The following SAMTOR variants were observed in gnomAD, a reference collection of about 807,000 sequenced individuals.
The protein encoded by SAMTOR is UPF0532 protein C7orf60.
At chr7:112,837,359 T>C in the SAMTOR span, among the ~76,000 whole-genome samples, 4 of 152,064 alleles carry the variant, frequency 2.6e-5, no homozygotes, top group Non-Finnish European at 5.9e-5. Context: ...GTTTTCTAGA[T>C]ATAGAATCAT....
At chr7:112,862,914 G>A in the SAMTOR span, among the ~76,000 whole-genome samples, 4 of 146,022 alleles carry the variant, frequency 2.7e-5, no homozygotes, top group Non-Finnish European at 4.5e-5. Context: ...GGGCGACAGC[G>A]TGAGACTCCA....
chr7:112,915,217 A>C, the SAMTOR span: 1 of 1,315,466 alleles, frequency 7.6e-7, no homozygotes, highest in Non-Finnish European at 1.0e-6. Context: ...AGCCTGGGTG[A>C]CAGAGCAAGA....
At chr7:112,902,574 TC>T in the SAMTOR span, among the ~76,000 whole-genome samples, 16 of 152,046 alleles carry the variant, frequency 1.1e-4, no homozygotes, top group Non-Finnish European at 2.2e-4. Context: ...TATACATTTT[TC>T]AAAAACCATA....
At chr7:112,824,151 T>G in the SAMTOR span, among the ~76,000 whole-genome samples, 1 of 152,204 alleles carries the variant, frequency 6.6e-6, no homozygotes, top group Non-Finnish European at 1.5e-5. Flanking sequence ...TTTAACAGTG[T>G]CCTTTGAAGA....
At chr7:112,862,907 C>T in the SAMTOR span, among the ~76,000 whole-genome samples, 12 of 149,296 alleles carry the variant, frequency 8.0e-5, no homozygotes, top group South Asian at 8.7e-4. Context: ...CCAGCCTGGG[C>T]GACAGCGTGA....
chr7:112,832,704 A>G, the SAMTOR span: 1 of 1,332,030 alleles, frequency 7.5e-7, no homozygotes, highest in Non-Finnish European at 1.1e-6. Flanking sequence ...TAAGAACAAA[A>G]TCAAATATGA....
the SAMTOR span, among the ~76,000 whole-genome samples, chr7:112,858,968 C>T: frequency 2.0e-5 from 3 of 152,100 alleles, no homozygotes; most frequent in Non-Finnish European, 4.4e-5. Flanking sequence ...TGTGAAGGCA[C>T]TTAGATGAAA....
the SAMTOR span, among the ~76,000 whole-genome samples, chr7:112,846,637 A>C: frequency 6.6e-6 from 1 of 152,204 alleles, no homozygotes; most frequent in Non-Finnish European, 1.5e-5. Context: ...AAATCATTTT[A>C]AAGGAATGGA....
the SAMTOR span, among the ~76,000 whole-genome samples, chr7:112,833,963 T>C: frequency 6.6e-6 from 1 of 152,208 alleles, no homozygotes; most frequent in Non-Finnish European, 1.5e-5. Context: ...TCACTATCCC[T>C]ATTTTAGTCA....
chr7:112,839,261 A>G, the SAMTOR span, among the ~76,000 whole-genome samples: 3 of 151,900 alleles, frequency 2.0e-5, no homozygotes, highest in Non-Finnish European at 4.4e-5. Flanking sequence ...ATCTGAGACT[A>G]CAGGTACTTA....
chr7:112,917,824 G>C, the SAMTOR span, among the ~76,000 whole-genome samples: 2 of 152,110 alleles, frequency 1.3e-5, no homozygotes, highest in South Asian at 2.1e-4. Flanking sequence ...GAGCTGATGC[G>C]ATCAACTGGA....
chr7:112,892,473 A>C, the SAMTOR span, among the ~76,000 whole-genome samples: 223 of 152,284 alleles, frequency 1.5e-3, 2 homozygotes, highest in Middle Eastern at 6.8e-3. Flanking sequence ...GTATTTCTTA[A>C]ATAACATGAC....
At chr7:112,859,890 T>C in the SAMTOR span, among the ~76,000 whole-genome samples, 1 of 152,142 alleles carries the variant, frequency 6.6e-6, no homozygotes, top group Admixed American at 6.6e-5. Flanking sequence ...ACTTAAAAAG[T>C]AAATATAGTA....
the SAMTOR span, among the ~76,000 whole-genome samples, chr7:112,859,948 T>C: frequency 6.6e-6 from 1 of 152,202 alleles, no homozygotes; most frequent in Non-Finnish European, 1.5e-5. Flanking sequence ...TATACAGTAA[T>C]GTTATAGGCC....
the SAMTOR span, among the ~76,000 whole-genome samples, chr7:112,890,645 T>C: frequency 6.6e-6 from 1 of 150,472 alleles, no homozygotes; most frequent in East Asian, 1.9e-4. Flanking sequence ...AAAATATATA[T>C]ATATTATAAA....
the SAMTOR span, among the ~76,000 whole-genome samples, chr7:112,828,015 C>A: frequency 4.6e-5 from 7 of 152,106 alleles, no homozygotes; most frequent in Non-Finnish European, 1.0e-4. Flanking sequence ...CCATGCCCTG[C>A]CGCAAATATT....
At chr7:112,913,935 A>G in the SAMTOR span, among the ~76,000 whole-genome samples, 1 of 152,168 alleles carries the variant, frequency 6.6e-6, no homozygotes, top group African/African-American at 2.4e-5. Context: ...TTTAACCAAC[A>G]TATTGTTTCC....
chr7:112,851,819 T>C, the SAMTOR span, among the ~76,000 whole-genome samples: 3 of 151,730 alleles, frequency 2.0e-5, no homozygotes, highest in Non-Finnish European at 4.4e-5. Flanking sequence ...AAAATAACAA[T>C]CCCATTTAAA....
the SAMTOR span, among the ~76,000 whole-genome samples, chr7:112,873,832 GA>G: frequency 2.0e-5 from 3 of 152,034 alleles, no homozygotes; most frequent in African/African-American, 7.2e-5. Context: ...GTAGTATCTA[GA>G]ATCTATAAGA....
Sources: gnomAD v4.1 joint callset for allele counts (sites outside exome capture counted in the v4.1 genomes callset) on GRCh38, gnomAD v4.1.1 for gene constraint, MANE v1.5 for transcripts, NCBI Gene and HGNC (gene_info 2026-07-23, HGNC 2026-07-21) for gene names.